CD274: variants seen among roughly 807,000 people sequenced by gnomAD.
CD274 encodes the protein programmed cell death 1 ligand 1.
CD274 carries 8 observed loss-of-function variants against 30.1 expected under a neutral mutation model. That is an observed-to-expected ratio of 0.27 (90% CI 0.16 to 0.48). The LOEUF is 0.48. CD274 is among the 20% of genes least tolerant of loss of function. The pLI, the probability that CD274 is intolerant of heterozygous loss-of-function variation, is 0.99. For synonymous variants in CD274, 152 were observed against 124.6 expected, an observed-to-expected ratio of 1.22 and a Z score of -1.46; for missense variants, 353 against 346.6, an observed-to-expected ratio of 1.02 and a Z score of -0.15.
rs1234384767 is a variant in CD274, at chr9:5,469,718, A to G, written c.*1856A>G. 2.2e-5 allele frequency: 5 copies of G among 232,486 alleles called. No individual in the cohort carries two copies. The highest frequency in any genetic ancestry group is 5.6e-5 in the Admixed American group (1 of 17,752). 14.4% of individuals were successfully genotyped at this position (232,486 alleles called of 1,614,324 possible). A position where few individuals can be genotyped will look rare whatever the true frequency, so the allele number is the denominator to read the frequency against. On this transcript the variant is annotated 3_prime_UTR_variant, in exon 7 of 7. Coordinates refer to ENST00000381577, the MANE Select transcript of CD274 (RefSeq NM_014143.4). ...CTACATATACATTTAGACAACCACCATTTGTTAAGTATTTGCTCTAGGACA... is the reference window on the plus strand; with the variant it reads ...CTACATATACATTTAGACAACCACCGTTTGTTAAGTATTTGCTCTAGGACA...
At chr9:5,464,109 G>A (rs762896826) in intron 4 of CD274, among the ~76,000 whole-genome samples, 2 of 152,160 alleles carry the variant, frequency 1.3e-5, no homozygotes, top group East Asian at 1.9e-4. Context: ...ACGGTGTTGT[G>A]AACAGAAAGA....
At chr9:5,462,020 C>G (rs984455363) in intron 3 of CD274, among the ~76,000 whole-genome samples, 3 of 151,986 alleles carry the variant, frequency 2.0e-5, no homozygotes, top group Non-Finnish European at 4.4e-5. Context: ...GACGATTGTA[C>G]CATGGTAATG....
At chr9:5,450,886 C>A (rs575810788) in intron 1 of CD274, among the ~76,000 whole-genome samples, 1 of 152,192 alleles carries the variant, frequency 6.6e-6, no homozygotes, top group Admixed American at 6.5e-5. Flanking sequence ...CATTCTTATG[C>A]GACTGTGTGT....
chr9:5,462,856 A>C lies in CD274; in HGVS notation c.417A>C (p.Gln139His). 6.2e-7 allele frequency: 1 copy of C among 1,613,516 alleles called. No homozygotes were observed. Among genetic ancestry groups the C allele is most frequent in the Non-Finnish European group, 8.5e-7 (1 of 1,179,538 alleles). The change falls in exon 4 of 7, where the codon CAA becomes CAC. Residue 139 changes from glutamine (Q) to histidine (H), a missense_variant. Physicochemically the swap from Gln to His is conservative, Grantham distance 24 (BLOSUM62 0). Transcript: ENST00000381577. Reference sequence around the variant, plus strand: ...TAGCCCCATACAACAAAATCAACCAAAGAATTTTGGTTGTGGATCCAGTCA... The same window carrying C: ...TAGCCCCATACAACAAAATCAACCACAGAATTTTGGTTGTGGATCCAGTCA... Reference protein sequence around the residue: ...KVNAPYNKINQRILVVDPVTS... With the variant: ...KVNAPYNKINHRILVVDPVTS...
rs1045433493 is a variant in CD274, at chr9:5,458,563, A to G, written c.394+1143A>G. Among the ~76,000 whole-genome samples the G allele has an allele frequency of 1.3e-4, 20 of 152,218 alleles. 1 individual carries two copies. The highest frequency in any genetic ancestry group is 1.2e-3 in the Admixed American group (18 of 15,286). On this transcript the variant is annotated intron_variant, in intron 3 of 6. Transcript: ENST00000381577. ...CATCAATCTGAGGGCTAACAATACAAGTAGAAAAAGTATACATTTGTCACT... is the reference window on the plus strand; with the variant it reads ...CATCAATCTGAGGGCTAACAATACAGGTAGAAAAAGTATACATTTGTCACT...
chr9:5,463,678 AGTCTGCT>A lies in CD274; in HGVS notation c.682+558_682+564del, dbSNP rs529477315. Among the ~76,000 whole-genome samples, 250 of 152,334 alleles carry A rather than the reference AGTCTGCT, an allele frequency of 1.6e-3. 1 individual carries two copies. The highest frequency in any genetic ancestry group is 5.6e-3 in the African/African-American group (232 of 41,584). The stretch of plus-strand genomic sequence containing the variant: ...TAGTCTACAATATTTCAACTCTAGC[AGTCTGCT>A]TAGTGCATAGAACATGAGGCTGTGT... On this transcript the variant is annotated intron_variant, in intron 4 of 6. Coordinates refer to ENST00000381577, the MANE Select transcript of CD274 (RefSeq NM_014143.4).
chr9:5,466,722 A>G (rs749821459), intron 5 of CD274, 48 bp from the exon 6 acceptor site: 1 of 1,379,604 alleles, frequency 7.2e-7, no homozygotes, highest in African/African-American at 1.4e-5. Context: ...ACTGTATGGG[A>G]TGTAGAGCTG....
intron 1 of CD274, among the ~76,000 whole-genome samples, chr9:5,453,832 C>T (rs1186783476): frequency 6.6e-6 from 1 of 152,162 alleles, no homozygotes; most frequent in African/African-American, 2.4e-5. Flanking sequence ...GGAGGCTGGC[C>T]TGTGCACTGC....
chr9:5,461,530 G>A lies in CD274; in HGVS notation c.395-1304G>A, dbSNP rs1399389082. Among the ~76,000 whole-genome samples, 4 of 152,020 alleles carry A rather than the reference G, an allele frequency of 2.6e-5. No individual in the cohort carries two copies. In the East Asian group the frequency reaches 5.8e-4, roughly 22 times the overall value. On this transcript the variant is annotated intron_variant, in intron 3 of 6. Coordinates refer to ENST00000381577, the MANE Select transcript of CD274 (RefSeq NM_014143.4). Reference sequence around the variant, plus strand: ...ATTTCAGTTTCATTTGATCCTAGCCGTTTTGTATTAACTCTCTGTGAAGAA... The same window carrying A: ...ATTTCAGTTTCATTTGATCCTAGCCATTTTGTATTAACTCTCTGTGAAGAA...
Position 5,470,401 on chromosome 9 carries a change from G to C in CD274, c.*2539G>C. 4.3e-6 allele frequency: 1 copy of C among 231,574 alleles called. No individual in the cohort carries two copies. The highest frequency in any genetic ancestry group is 2.2e-5 in the African/African-American group (1 of 45,368). 14.3% of individuals were successfully genotyped at this position (231,574 alleles called of 1,614,324 possible). A position where few individuals can be genotyped will look rare whatever the true frequency, so the allele number is the denominator to read the frequency against. ...CTCATGTTTCATCGTAAATGGCATA[G>C]GCAGAGATGATACCTAATTCTGCAT... is the stretch of plus-strand genomic sequence containing the variant. On this transcript the variant is annotated 3_prime_UTR_variant, in exon 7 of 7. Transcript: ENST00000381577.
chr9:5,460,674 C>A (rs377218205), intron 3 of CD274, among the ~76,000 whole-genome samples: 2 of 152,224 alleles, frequency 1.3e-5, no homozygotes, highest in African/African-American at 4.8e-5. Flanking sequence ...TTTTTATTGC[C>A]TATATTTGTA....
At chr9:5,456,304 G>A (rs1197052809) in intron 2 of CD274, 139 bp downstream of exon 2, 6 of 577,024 alleles carry the variant, frequency 1.0e-5, no homozygotes, top group Middle Eastern at 8.8e-4. Flanking sequence ...TTACACAATG[G>A]CAAAGTCTTC....
In CD274 at chr9:5,457,418, A is replaced by G. The variant is rs759740264; in HGVS notation, c.392A>G (p.Asn131Ser). Reference sequence around the variant, plus strand: ...TACAAGCGAATTACTGTGAAAGTCAATGGTAAGAATTATTATAGATGAGAG... The same window carrying G: ...TACAAGCGAATTACTGTGAAAGTCAGTGGTAAGAATTATTATAGATGAGAG... ...ADYKRITVKV[N>S]APYNKINQRI... Residue 131 changes from asparagine to serine, a missense_variant and splice_region_variant, in exon 3 of 7, where the codon AAT (asparagine) becomes AGT (serine). Physicochemically the swap from Asn to Ser is conservative, Grantham distance 46 (BLOSUM62 1). Transcript: ENST00000381577. 1.2e-6 allele frequency: 2 copies of G among 1,611,260 alleles called. No individual in the cohort carries two copies. Among genetic ancestry groups the G allele is most frequent in the South Asian group, 1.1e-5 (1 of 91,028 alleles).
Position 5,456,080 on chromosome 9 carries a change from T to C in CD274, c.-14-20T>C, listed in dbSNP as rs778844462. On this transcript the variant is annotated intron_variant, in intron 1 of 6. Coordinates refer to ENST00000381577, the MANE Select transcript of CD274 (RefSeq NM_014143.4). The stretch of plus-strand genomic sequence containing the variant: ...AATTATTAAGTGAAGCAGTCTTCTT[T>C]TCGTGTTTTCCATAATTAGGGCATT... 1.8e-5 allele frequency: 26 copies of C among 1,414,680 alleles called. No individual in the cohort carries two copies. Among genetic ancestry groups the C allele is most frequent in the Non-Finnish European group, 2.3e-5 (23 of 999,708 alleles). 87.6% of individuals were successfully genotyped at this position (1,414,680 alleles called of 1,614,324 possible). A position where few individuals can be genotyped will look rare whatever the true frequency, so the allele number is the denominator to read the frequency against.
intron 3 of CD274, among the ~76,000 whole-genome samples, chr9:5,460,699 A>T (rs193070709): frequency 1.3e-3 from 200 of 152,268 alleles, no homozygotes; most frequent in Non-Finnish European, 1.3e-3. Flanking sequence ...TGGTGTACGT[A>T]TCAAGTTATA....
In CD274 at chr9:5,465,550, G is replaced by C. The variant is rs774011022; in HGVS notation, c.734G>C (p.Gly245Ala). ...PNERTHLVIL[G>A]AILLCLGVAL... ...GAAAGGACTCACTTGGTAATTCTGG[G>C]AGCCATCTTATTATGCCTTGGTGTA... The change falls in exon 5 of 7, where the codon GGA becomes GCA. Residue 245 changes from glycine to alanine, a missense_variant. Physicochemically the swap from Gly to Ala is moderately conservative, Grantham distance 60. Transcript: ENST00000381577. 4 of 1,612,618 alleles carry C rather than the reference G, an allele frequency of 2.5e-6. No individual in the cohort carries two copies. Among genetic ancestry groups the C allele is most frequent in the Middle Eastern group, 1.7e-4 (1 of 6,058 alleles).
At chr9:5,452,355 A>G (rs1178520915) in intron 1 of CD274, among the ~76,000 whole-genome samples, 1 of 151,414 alleles carries the variant, frequency 6.6e-6, no homozygotes, top group Non-Finnish European at 1.5e-5. Context: ...TACCCATCCT[A>G]CCCTTGGAAG....
At chr9:5,454,473 A>G (rs770605161) in intron 1 of CD274, among the ~76,000 whole-genome samples, 1 of 151,942 alleles carries the variant, frequency 6.6e-6, no homozygotes, top group African/African-American at 2.4e-5. Flanking sequence ...CTTACTTTCT[A>G]TGTGTTTACA....
Position 5,467,899 on chromosome 9 carries a change from C to G in CD274, c.*37C>G, listed in dbSNP as rs2131235805. On this transcript the variant is annotated 3_prime_UTR_variant, in exon 7 of 7. Coordinates refer to ENST00000381577, the MANE Select transcript of CD274 (RefSeq NM_014143.4). ...AACTTCTGATCTTCAAGCAGGGATT[C>G]TCAACCTGTGGTTTAGGGGTTCATC... is the stretch of plus-strand genomic sequence containing the variant. 1 of 1,588,580 alleles carries G rather than the reference C, an allele frequency of 6.3e-7. No individual in the cohort carries two copies. Among genetic ancestry groups the G allele is most frequent in the South Asian group, 1.1e-5 (1 of 90,506 alleles).
Sources: allele counts gnomAD v4.1 joint callset (sites outside exome capture counted in the v4.1 genomes callset), GRCh38; gene constraint gnomAD v4.1.1; transcripts MANE v1.5; gene names NCBI Gene and HGNC (gene_info 2026-07-23, HGNC 2026-07-21).